Variants in ASTN2 observed in about 807,000 individuals in gnomAD.
ASTN2 encodes astrotactin-2.
ASTN2 carries 54 observed loss-of-function variants against 139.8 expected under a neutral mutation model. The ratio of observed to expected loss-of-function variants is 0.39; its 90% confidence interval spans 0.31 to 0.48. The LOEUF (loss-of-function observed/expected upper bound fraction) is 0.48. Among genes scored for constraint, ASTN2 ranks in the 20% least tolerant of loss-of-function variants. The probability of loss-of-function intolerance (pLI) is 0.95; values close to 1 mark genes in which losing one functional copy is unlikely to be tolerated. For synonymous variants in ASTN2, 756 were observed against 719.5 expected (o/e 1.05, Z -0.81); for missense variants, 1,565 against 1,725.1 (o/e 0.91, Z 1.64).
rs1160249564 is a variant in ASTN2 at position 117,064,104 on chromosome 9, A to T, written c.1277-24139T>A. 3.9e-5 allele frequency among the ~76,000 whole-genome samples: 6 copies of T among 152,060 alleles called. No individual in the cohort carries two copies. In the East Asian group the frequency reaches 1.2e-3, roughly 30 times the overall value. ...CTGGCCGAGACTTGTTAATACAATA[A>T]ACCGGTGTTTCCAGGACGCGCTCAC... On this transcript the variant is annotated intron_variant, in intron 5 of 22. Coordinates refer to ENST00000313400, the MANE Select transcript of ASTN2 (RefSeq NM_001365068.1).
In ASTN2 at chr9:117,190,399, C is replaced by T. The variant is rs188816688; in HGVS notation, c.1015+23959G>A. Among the ~76,000 whole-genome samples, 9 of 152,238 alleles carry T rather than the reference C, an allele frequency of 5.9e-5. No homozygotes were observed. In the East Asian group the frequency reaches 1.4e-3, roughly 23 times the overall value. ...TCTATTCTCTGCTCTCGTTAGTATC[C>T]TCGCTTCTGAGTTGCAACTCTATGT... is the stretch of plus-strand genomic sequence containing the variant. On this transcript the variant is annotated intron_variant, in intron 3 of 22. Transcript: ENST00000313400.
chr9:116,987,326 T>C (rs554174617), intron 7 of ASTN2, among the ~76,000 whole-genome samples: 1 of 152,350 alleles, frequency 6.6e-6, no homozygotes, highest in African/African-American at 2.4e-5. Flanking sequence ...GGGGACTAAT[T>C]GGTGTTGGCT....
At position 117,414,570 on chromosome 9, in the gene ASTN2, C is replaced by A. The variant is rs934453729; in HGVS notation, c.369G>T (p.Val123=). The change falls in exon 1 of 23, where the codon GTG becomes GTT. Residue 123 remains valine, a synonymous_variant. Coordinates refer to ENST00000313400, the MANE Select transcript of ASTN2 (RefSeq NM_001365068.1). This position sits in a 1 kb window ranked among gnomAD's most constrained non-coding sequence, Gnocchi z 4.2. Reference sequence around the variant, plus strand: ...CGATGCGCCCCGGCAGCTCGTTACGCACAAAGAGCAGGAGGCGCGACTCGG... The same window carrying A: ...CGATGCGCCCCGGCAGCTCGTTACGAACAAAGAGCAGGAGGCGCGACTCGG... ...TAAESRLLLF[V]RNELPGRIAV... is the part of the protein sequence containing the mutation. 1 of 1,601,582 alleles carries A rather than the reference C, an allele frequency of 6.2e-7. No individual in the cohort carries two copies.
intron 10 of ASTN2, among the ~76,000 whole-genome samples, chr9:116,906,604 G>C (rs1306376339): frequency 2.6e-5 from 4 of 152,130 alleles, no homozygotes; most frequent in Non-Finnish European, 5.9e-5. Flanking sequence ...AAAGAAGAAT[G>C]GTTTTCTTAT....
At chr9:116,651,856 C>T in intron 16 of ASTN2, 63 bp from the exon 17 acceptor site, 3 of 1,552,254 alleles carry the variant, frequency 1.9e-6, no homozygotes, top group Non-Finnish European at 2.6e-6. Flanking sequence ...AGGCCAGACT[C>T]TTGAATTCAC....
chr9:117,291,381 T>C lies in ASTN2; in HGVS notation c.575A>G (p.Gln192Arg), dbSNP rs571747680. 2 of 1,614,214 alleles carry C rather than the reference T, an allele frequency of 1.2e-6. No individual in the cohort carries two copies. The highest frequency in any genetic ancestry group is 2.2e-5 in the South Asian group (2 of 91,080). ...QLAQATAPTLQEPSEIVEEQM... is the reference protein window; with the variant it reads ...QLAQATAPTLREPSEIVEEQM... The stretch of plus-strand genomic sequence containing the variant: ...CTCCTCAACAATCTCCGAGGGCTCC[T>C]GGAGAGTGGGGGCGGTGGCTTGGGC... Residue 192 changes from glutamine (Q) to arginine (R), a missense_variant, in exon 2 of 23, where the codon CAG becomes CGG. Coordinates refer to ENST00000313400, the MANE Select transcript of ASTN2 (RefSeq NM_001365068.1).
chr9:116,594,444 T>C (rs901527434), intron 19 of ASTN2, among the ~76,000 whole-genome samples: 1 of 152,162 alleles, frequency 6.6e-6, no homozygotes, highest in Non-Finnish European at 1.5e-5. Context: ...AATTTTAAAA[T>C]ACAAGCCACT....
At chr9:116,959,172 C>T (rs1488437296) in intron 10 of ASTN2, among the ~76,000 whole-genome samples, 1 of 152,118 alleles carries the variant, frequency 6.6e-6, no homozygotes, top group Non-Finnish European at 1.5e-5. Flanking sequence ...GGAGAAAGGG[C>T]TTCTACAATG....
intron 1 of ASTN2, among the ~76,000 whole-genome samples, chr9:117,377,068 T>C (rs367685949): frequency 6.6e-6 from 1 of 152,176 alleles, no homozygotes; most frequent in Admixed American, 6.5e-5. Flanking sequence ...CAAGAGGGGA[T>C]AAATGCAATG....
At chr9:116,966,871 A>C (rs1310013365) in intron 10 of ASTN2, among the ~76,000 whole-genome samples, 1 of 152,162 alleles carries the variant, frequency 6.6e-6, no homozygotes, top group Non-Finnish European at 1.5e-5. Flanking sequence ...TGCTCAACAA[A>C]GACCAAGATA....
chr9:117,148,788 G>T (rs12552667), intron 3 of ASTN2, among the ~76,000 whole-genome samples: 29,290 of 152,090 alleles, frequency 0.19, 3,434 homozygotes, highest in Middle Eastern at 0.33. Flanking sequence ...TTGGAGTAAA[G>T]CAGAACATTC....
intron 22 of ASTN2, among the ~76,000 whole-genome samples, chr9:116,435,586 T>C (rs1259241912): frequency 6.6e-6 from 1 of 152,238 alleles, no homozygotes; most frequent in African/African-American, 2.4e-5. Flanking sequence ...CTGAAGTATA[T>C]TATCTTACCC....
intron 4 of ASTN2, among the ~76,000 whole-genome samples, chr9:117,118,073 AG>A (rs1271840823): frequency 6.6e-6 from 1 of 152,222 alleles, no homozygotes; most frequent in Admixed American, 6.5e-5. Context: ...TTATAAGGAA[AG>A]CTCAGTAGCC....
rs1474157113 is a variant in ASTN2 at position 116,805,806 on chromosome 9, T to C, written c.2222A>G (p.Tyr741Cys). 1 of 1,613,850 alleles carries C rather than the reference T, an allele frequency of 6.2e-7. No homozygotes were observed. Reference protein sequence around the residue: ...IFMFCGCVEEYKLAPDGKSCL... With the variant: ...IFMFCGCVEECKLAPDGKSCL... ...GGATTTTCCATCAGGAGCCAGTTTG[T>C]ACTCCTCCACGCAACTGTATGATAA... Residue 741 changes from tyrosine to cysteine, a missense_variant, in exon 13 of 23, where the codon TAC becomes TGC. Tyr to Cys is a radical substitution (Grantham distance 194). This residue lies in a region of ASTN2 where 503 missense variants were observed against 591.7 expected (regional missense o/e 0.85). Transcript: ENST00000313400.
chr9:116,500,068 C>A (rs1849802597), intron 19 of ASTN2, among the ~76,000 whole-genome samples: 1 of 152,066 alleles, frequency 6.6e-6, no homozygotes, highest in Non-Finnish European at 1.5e-5. Context: ...GATATGATTG[C>A]TTATTGATGC....
chr9:116,940,445 A>T (rs1835191463), intron 10 of ASTN2, among the ~76,000 whole-genome samples: 1 of 152,192 alleles, frequency 6.6e-6, no homozygotes, highest in African/African-American at 2.4e-5. Context: ...GTGGGACAAG[A>T]TGGAGGTAGA....
chr9:117,063,782 A>G (rs1839368008), intron 5 of ASTN2, among the ~76,000 whole-genome samples: 1 of 152,146 alleles, frequency 6.6e-6, no homozygotes, highest in Admixed American at 6.5e-5. Flanking sequence ...TGGTCTTACA[A>G]ATAAATTGCT....
Position 117,073,296 on chromosome 9 carries a change from G to A in ASTN2, c.1276+22748C>T, listed in dbSNP as rs184411449. Among the ~76,000 whole-genome samples, 263 of 152,158 alleles carry A rather than the reference G, an allele frequency of 1.7e-3. 2 individuals are homozygous for A. Among genetic ancestry groups the A allele is most frequent in the African/African-American group, 6.2e-3 (256 of 41,494 alleles). ...CATTCCGCTCAGCTTCCTGCCTCTA[G>A]GGGTGTCTTCTGCAGGGACTGTCCT... On this transcript the variant is annotated intron_variant, in intron 5 of 22. Coordinates refer to ENST00000313400, the MANE Select transcript of ASTN2 (RefSeq NM_001365068.1).
chr9:116,674,012 A>G (rs1859353637), intron 16 of ASTN2, among the ~76,000 whole-genome samples: 1 of 152,228 alleles, frequency 6.6e-6, no homozygotes, highest in African/African-American at 2.4e-5. Context: ...TTTGTAGTTT[A>G]TAGTTTAAAG....
Sources: gnomAD v4.1 joint callset for allele counts (sites outside exome capture counted in the v4.1 genomes callset) on GRCh38, gnomAD v4.1.1 for gene constraint, gnomAD v4.1.1 regional missense constraint, Gnocchi (gnomAD v3.1) non-coding constraint, MANE v1.5 for transcripts, NCBI Gene and HGNC (gene_info 2026-07-23, HGNC 2026-07-21) for gene names.